The following CAPN13 variants were observed in gnomAD, a reference collection of about 807,000 sequenced individuals.
CAPN13 encodes calpain 13.
In CAPN13, 90 loss-of-function variants were observed where a neutral mutation model predicts 98.4. That is an observed-to-expected ratio of 0.92 (90% CI 0.77 to 1.09). The LOEUF (loss-of-function observed/expected upper bound fraction) is 1.09, where lower values mean the gene tolerates loss of function less well. Ranked by LOEUF, CAPN13 falls within the 50% of genes least tolerant of loss-of-function variation. The pLI, the probability that CAPN13 is intolerant of heterozygous loss-of-function variation, is 0.00. For synonymous variants in CAPN13, 330 were observed against 305.5 expected (o/e 1.08, Z -0.84); for missense variants, 887 against 841.3 (o/e 1.05, Z -0.67).
intron 1 of CAPN13, among the ~76,000 whole-genome samples, chr2:30,793,919 C>G (rs1674725808): frequency 6.6e-6 from 1 of 151,530 alleles, no homozygotes; most frequent in Admixed American, 6.6e-5. Context: ...ACACCACACA[C>G]AAAAACCAAG....
At chr2:30,757,713 C>A (rs72783029) in intron 8 of CAPN13, among the ~76,000 whole-genome samples, 1 of 152,100 alleles carries the variant, frequency 6.6e-6, no homozygotes, top group Non-Finnish European at 1.5e-5. Flanking sequence ...CCTTGCCTCC[C>A]GCCACTTTTA....
intron 22 of CAPN13, among the ~76,000 whole-genome samples, chr2:30,725,009 A>G (rs1486576523): frequency 1.3e-5 from 2 of 152,212 alleles, no homozygotes; most frequent in African/African-American, 2.4e-5. Flanking sequence ...CTGTATTTTT[A>G]TACAGTGGGA....
intron 22 of CAPN13, among the ~76,000 whole-genome samples, chr2:30,723,614 T>C (rs1670763806): frequency 6.6e-6 from 1 of 152,176 alleles, no homozygotes; most frequent in Admixed American, 6.5e-5. Flanking sequence ...GGGGCTGCTA[T>C]AGTAACAACA....
At chr2:30,734,212 G>A (rs537000829) in intron 19 of CAPN13, among the ~76,000 whole-genome samples, 2 of 152,180 alleles carry the variant, frequency 1.3e-5, no homozygotes, top group African/African-American at 4.8e-5. Flanking sequence ...CTGTGCTGGG[G>A]AGGAAAGACA....
chr2:30,768,356 T>C (rs1285705809), intron 5 of CAPN13, among the ~76,000 whole-genome samples: 1 of 151,992 alleles, frequency 6.6e-6, no homozygotes, highest in Non-Finnish European at 1.5e-5. Flanking sequence ...TCAGAGGAAG[T>C]GGGGGTCCTG....
chr2:30,782,256 G>A (rs761783412), intron 2 of CAPN13, among the ~76,000 whole-genome samples: 7 of 152,162 alleles, frequency 4.6e-5, no homozygotes, highest in South Asian at 2.1e-4. Flanking sequence ...ATCCTCACAC[G>A]GCATGCCGCT....
intron 2 of CAPN13, among the ~76,000 whole-genome samples, chr2:30,780,618 A>G (rs772364221): frequency 1.7e-4 from 26 of 152,260 alleles, no homozygotes; most frequent in Non-Finnish European, 2.1e-4. Context: ...TTCAATGGTG[A>G]TGATTTCAAA....
At position 30,723,170 on chromosome 2, in the gene CAPN13, A is replaced by G. The variant is rs1033914862; in HGVS notation, c.*97T>C. The G allele has an allele frequency of 6.6e-6, 1 of 152,234 alleles. No individual in the cohort carries two copies. Among genetic ancestry groups the G allele is most frequent in the African/African-American group, 2.4e-5 (1 of 41,436 alleles). 9.4% of individuals were successfully genotyped at this position (152,234 alleles called of 1,614,324 possible). On this transcript the variant is annotated 3_prime_UTR_variant, in exon 23 of 23. Transcript: ENST00000295055. ...GGGCTGGTTTAGATTTATCACAACC[A>G]CCATACTGGGCAGCACAGCCTCTTA...
At chr2:30,789,925 G>C (rs1674516685) in intron 1 of CAPN13, among the ~76,000 whole-genome samples, 1 of 152,228 alleles carries the variant, frequency 6.6e-6, no homozygotes. Flanking sequence ...CTCTGTTACT[G>C]CTCTGCATTC....
At chr2:30,790,852 G>A (rs12464339) in intron 1 of CAPN13, among the ~76,000 whole-genome samples, 2 of 152,216 alleles carry the variant, frequency 1.3e-5, no homozygotes, top group African/African-American at 2.4e-5. Context: ...AGAAGTCAGA[G>A]ATCAGAGTGC....
chr2:30,772,896 G>A (rs575505879), intron 4 of CAPN13, among the ~76,000 whole-genome samples: 96 of 151,710 alleles, frequency 6.3e-4, no homozygotes, highest in African/African-American at 2.2e-3. Context: ...GCATGATCTC[G>A]GCTCACCGCA....
chr2:30,775,290 A>T (rs994995494), intron 4 of CAPN13, among the ~76,000 whole-genome samples: 1 of 152,188 alleles, frequency 6.6e-6, no homozygotes, highest in African/African-American at 2.4e-5. Context: ...GAATGAATTA[A>T]TCAAGAAAGA....
chr2:30,752,816 T>C (rs187568924), intron 10 of CAPN13, among the ~76,000 whole-genome samples: 106 of 152,348 alleles, frequency 7.0e-4, no homozygotes, highest in African/African-American at 2.5e-3. Context: ...GGAAGGATAT[T>C]GGCACAGCAT....
chr2:30,757,892 G>T (rs893246354), intron 8 of CAPN13, among the ~76,000 whole-genome samples, 154 bp downstream of exon 8: 1 of 152,196 alleles, frequency 6.6e-6, no homozygotes, highest in African/African-American at 2.4e-5. Flanking sequence ...CATCACAGGA[G>T]CGTGAGATGG....
chr2:30,801,952 T>C (rs967552364), intron 1 of CAPN13, among the ~76,000 whole-genome samples: 22 of 152,184 alleles, frequency 1.4e-4, no homozygotes, highest in Admixed American at 6.5e-5. Context: ...GCAGATGATG[T>C]GACTCTCAGA....
In CAPN13 at chr2:30,753,233, G is replaced by A. The variant is rs184650616; in HGVS notation, c.942-35C>T. The stretch of plus-strand genomic sequence containing the variant: ...ACAGATATACATCACTCAGTGACCA[G>A]GGGTTGTGTCCCCAGGGTGGGGGTT... On this transcript the variant is annotated intron_variant, in intron 9 of 22. Coordinates refer to ENST00000295055, the MANE Select transcript of CAPN13 (RefSeq NM_144575.3). The A allele has an allele frequency of 1.0e-4, 162 of 1,611,026 alleles. 3 individuals are homozygous for A. The East Asian group carries it at 1.4e-3, about 14-fold the overall frequency.
At chr2:30,743,867 T>C (rs962647214) in intron 12 of CAPN13, 3 of 541,330 alleles carry the variant, frequency 5.5e-6, no homozygotes, top group South Asian at 1.8e-5. Context: ...CCTGCTTATA[T>C]AGAGAGAAAA....
At chr2:30,804,824 G>C in intron 1 of CAPN13, among the ~76,000 whole-genome samples, 1 of 152,226 alleles carries the variant, frequency 6.6e-6, no homozygotes, top group East Asian at 1.9e-4. Flanking sequence ...CTTGAGGAGA[G>C]ATGGAATGGA....
intron 2 of CAPN13, among the ~76,000 whole-genome samples, chr2:30,784,182 A>C (rs1008719589): frequency 6.2e-5 from 9 of 146,098 alleles, no homozygotes; most frequent in African/African-American, 2.2e-4. Context: ...TCCATCTCAA[A>C]AAAAAGAAAA....
Sources: gnomAD v4.1 joint callset for allele counts (sites outside exome capture counted in the v4.1 genomes callset) on GRCh38, gnomAD v4.1.1 for gene constraint, MANE v1.5 for transcripts, NCBI Gene and HGNC (gene_info 2026-07-23, HGNC 2026-07-21) for gene names.